Variants in IL1RAPL1 observed in about 807,000 individuals in gnomAD.
The protein encoded by IL1RAPL1 is interleukin-1 receptor accessory protein-like 1.
IL1RAPL1 carries 3 observed loss-of-function variants against 48.4 expected under a neutral mutation model. The observed-to-expected ratio is 0.06, with a 90% confidence interval of 0.03 to 0.16. The LOEUF (loss-of-function observed/expected upper bound fraction) is 0.16, where lower values mean the gene tolerates loss of function less well. IL1RAPL1 is among the 10% of genes least tolerant of loss of function. The pLI, the probability that IL1RAPL1 is intolerant of heterozygous loss-of-function variation, is 1.00. For synonymous variants in IL1RAPL1, 185 were observed against 187.7 expected (o/e 0.99, Z 0.12); for missense variants, 349 against 530.6 (o/e 0.66, Z 3.36).
intron 5 of IL1RAPL1, among the ~76,000 whole-genome samples, chrX:29,428,978 C>T (rs754231061): frequency 2.7e-4 from 30 of 111,893 alleles, no homozygotes; most frequent in Admixed American, 2.9e-4. Context: ...CCAACCACAC[C>T]ATATACATTC....
chrX:29,746,568 G>A (rs780252569), intron 6 of IL1RAPL1, among the ~76,000 whole-genome samples: 1 of 111,557 alleles, frequency 9.0e-6, no homozygotes, highest in African/African-American at 3.2e-5. Context: ...GACTCTCTTT[G>A]TGAAACATTT....
At position 29,341,789 on chromosome X, in the gene IL1RAPL1, C is replaced by T. The variant is rs73462511; in HGVS notation, c.363-54469C>T. 2.1e-3 allele frequency among the ~76,000 whole-genome samples: 229 copies of T among 110,303 alleles called. 2 individuals carry two copies. The highest frequency in any genetic ancestry group is 7.2e-3 in the African/African-American group (217 of 30,345). On this transcript the variant is annotated intron_variant, in intron 3 of 10. Transcript: ENST00000378993. ...AAAATGAATTAATATACTGATGTAC[C>T]GTGATTGCTTTGCTTTGATTCTTTT...
intron 2 of IL1RAPL1, among the ~76,000 whole-genome samples, chrX:29,247,822 C>A (rs772451914): frequency 1.7e-3 from 184 of 111,215 alleles, no homozygotes; most frequent in Non-Finnish European, 2.3e-3. Context: ...TGAAGGCATG[C>A]AAAATATCCT....
At chrX:28,656,377 G>C (rs773625635) in intron 1 of IL1RAPL1, among the ~76,000 whole-genome samples, 127 of 111,425 alleles carry the variant, frequency 1.1e-3, no homozygotes, top group Non-Finnish European at 2.1e-3. Context: ...TCAGTTCTGA[G>C]CTCTGGTGGA....
chrX:29,445,596 A>G (rs887453168), intron 5 of IL1RAPL1, among the ~76,000 whole-genome samples: 1 of 112,093 alleles, frequency 8.9e-6, no homozygotes, highest in Non-Finnish European at 1.9e-5. Context: ...GCATATAAAA[A>G]TGTGTTGGTA....
At chrX:28,990,583 C>G (rs1026813091) in intron 2 of IL1RAPL1, among the ~76,000 whole-genome samples, 6 of 111,400 alleles carry the variant, frequency 5.4e-5, no homozygotes. Flanking sequence ...AGAATGAGGC[C>G]GAAGATATAT....
chrX:29,607,975 T>A (rs960801454), intron 5 of IL1RAPL1, among the ~76,000 whole-genome samples: 5 of 112,377 alleles, frequency 4.4e-5, no homozygotes, highest in African/African-American at 1.6e-4. Flanking sequence ...TTCAATTATC[T>A]ATTGTCGTGT....
intron 2 of IL1RAPL1, among the ~76,000 whole-genome samples, chrX:29,054,027 A>G (rs1316282513): frequency 9.0e-6 from 1 of 111,569 alleles, no homozygotes. Context: ...TTCATTATGT[A>G]TGTATACCAC....
At chrX:29,755,659 G>C (rs1378970024) in intron 6 of IL1RAPL1, among the ~76,000 whole-genome samples, 2 of 112,178 alleles carry the variant, frequency 1.8e-5, no homozygotes, top group Non-Finnish European at 3.8e-5. Context: ...ATTGTTTAAA[G>C]TAAATAAAAC....
At chrX:28,904,245 A>G (rs1327454485) in intron 2 of IL1RAPL1, among the ~76,000 whole-genome samples, 1 of 111,840 alleles carries the variant, frequency 8.9e-6, no homozygotes, top group Non-Finnish European at 1.9e-5. Flanking sequence ...ATGGAAGCTC[A>G]AGGACACACT....
chrX:29,783,678 A>G (rs1207032656), intron 6 of IL1RAPL1, among the ~76,000 whole-genome samples: 1 of 111,950 alleles, frequency 8.9e-6, no homozygotes, highest in African/African-American at 3.2e-5. Context: ...ATCTCCCACA[A>G]ATGTTAATTA....
chrX:28,985,750 C>G (rs1415602475), intron 2 of IL1RAPL1, among the ~76,000 whole-genome samples: 20 of 106,950 alleles, frequency 1.9e-4, no homozygotes, highest in Non-Finnish European at 1.9e-5. Flanking sequence ...AGCTCCGCCT[C>G]CCGGGTTCAC....
chrX:29,652,919 C>G (rs1643134922), intron 5 of IL1RAPL1, among the ~76,000 whole-genome samples: 1 of 112,083 alleles, frequency 8.9e-6, no homozygotes, highest in South Asian at 3.7e-4. Flanking sequence ...TTCTTCTACC[C>G]TAAAGTAAAA....
At chrX:29,607,924 A>G (rs1923946529) in intron 5 of IL1RAPL1, among the ~76,000 whole-genome samples, 1 of 112,382 alleles carries the variant, frequency 8.9e-6, no homozygotes, top group Non-Finnish European at 1.9e-5. Flanking sequence ...GGAGATTGCC[A>G]CCTGACTGTC....
chrX:29,953,232 A>G, intron 9 of IL1RAPL1, among the ~76,000 whole-genome samples: 1 of 111,974 alleles, frequency 8.9e-6, no homozygotes, highest in South Asian at 3.7e-4. Flanking sequence ...ATCATCAGGG[A>G]AGTGCAATAG....
chrX:28,637,288 G>T (rs1450326821), intron 1 of IL1RAPL1, among the ~76,000 whole-genome samples: 5 of 111,081 alleles, frequency 4.5e-5, no homozygotes, highest in Non-Finnish European at 9.4e-5. Context: ...AAATAAATGG[G>T]CAGATCTCAA....
intron 6 of IL1RAPL1, among the ~76,000 whole-genome samples, chrX:29,710,129 G>A (rs1399715586): frequency 9.0e-6 from 1 of 111,246 alleles, no homozygotes; most frequent in Admixed American, 9.6e-5. Flanking sequence ...CACTTCTTCT[G>A]TTCTCATATT....
chrX:28,969,975 A>G lies in IL1RAPL1; in HGVS notation c.82+180550A>G, dbSNP rs1324156054. On this transcript the variant is annotated intron_variant, in intron 2 of 10. Transcript: ENST00000378993. Reference sequence around the variant, plus strand: ...TATATATGTTTCTAAACACATATATATGTTTCTAAACACATATATATGTTT... The same window carrying G: ...TATATATGTTTCTAAACACATATATGTGTTTCTAAACACATATATATGTTT... 2.7e-5 allele frequency among the ~76,000 whole-genome samples: 3 copies of G among 111,554 alleles called. No homozygotes were observed. In the Admixed American group the frequency reaches 2.9e-4, roughly 11 times the overall value.
intron 5 of IL1RAPL1, among the ~76,000 whole-genome samples, chrX:29,484,950 C>T (rs746931375): frequency 5.1e-4 from 57 of 111,904 alleles, no homozygotes; most frequent in African/African-American, 1.6e-3. Flanking sequence ...CTAAATGATA[C>T]ACTACAAAAT....
Sources: gnomAD v4.1 joint callset for allele counts (sites outside exome capture counted in the v4.1 genomes callset) on GRCh38, gnomAD v4.1.1 for gene constraint, MANE v1.5 for transcripts, NCBI Gene and HGNC (gene_info 2026-07-23, HGNC 2026-07-21) for gene names.